CCNDBP1: variants seen among roughly 807,000 people sequenced by gnomAD.
CCNDBP1 encodes cyclin-D1-binding protein 1.
CCNDBP1 carries 45 observed loss-of-function variants against 46.2 expected under a neutral mutation model. The observed-to-expected ratio is 0.97, with a 90% CI of 0.77 to 1.25. The LOEUF (loss-of-function observed/expected upper bound fraction) is 1.25. CCNDBP1 is among the 50% of genes most tolerant of loss of function. The probability of loss-of-function intolerance (pLI) is 0.00; values close to 1 mark genes in which losing one functional copy is unlikely to be tolerated. For missense variants in CCNDBP1, 436 were observed against 442.1 expected, an observed-to-expected ratio of 0.99 and a Z score of 0.12; for synonymous variants, 154 against 163.6, an observed-to-expected ratio of 0.94 and a Z score of 0.45.
chr15:43,191,669 G>C lies in CCNDBP1; in HGVS notation c.854G>C (p.Ser285Thr). ...DDIVDISDEI[S>T]PSVDDLALSI... ...ATTGTGGATATTTCTGATGAAATCA[G>C]CCCTAGGTAAGCGGGATCCCCACTT... The change falls in exon 8 of 11, where the codon AGC (serine) becomes ACC (threonine). Residue 285 changes from serine to threonine, a missense_variant. Transcript: ENST00000300213. 6.2e-7 allele frequency: 1 copy of C among 1,602,830 alleles called. No individual in the cohort carries two copies. The highest frequency in any genetic ancestry group is 8.5e-7 in the Non-Finnish European group (1 of 1,179,110).
Position 43,195,037 on chromosome 15 carries a change from C to T in CCNDBP1, c.*196C>T. On this transcript the variant is annotated 3_prime_UTR_variant, in exon 11 of 11. Coordinates refer to ENST00000300213, the MANE Select transcript of CCNDBP1 (RefSeq NM_012142.5). The stretch of plus-strand genomic sequence containing the variant: ...TTATAAACCATATGCGTATATTTTT[C>T]TGTGCTATATATGAAAAATAATTGC... The T allele has an allele frequency of 4.4e-6, 2 of 455,950 alleles. No homozygotes were observed. The highest frequency in any genetic ancestry group is 3.3e-4 in the Middle Eastern group (1 of 3,016). The allele number at this position is 455,950 out of a possible 1,614,324, so 28.2% of individuals were successfully genotyped here.
intron 3 of CCNDBP1, chr15:43,188,338 G>A (rs1450857954): frequency 6.6e-6 from 1 of 152,054 alleles, no homozygotes; most frequent in African/African-American, 2.4e-5. Context: ...AAAAAAGAGA[G>A]AGACCTGGTT....
chr15:43,185,956 C>A (rs1395023701), intron 2 of CCNDBP1, 77 bp downstream of exon 2: 2 of 1,398,608 alleles, frequency 1.4e-6, no homozygotes, highest in Non-Finnish European at 2.0e-6. Flanking sequence ...CGCTGTCCCC[C>A]ACGGAGGGGA....
rs763476042 is a variant in CCNDBP1 at position 43,189,077 on chromosome 15, C to CAAAAAA, written c.250-100_250-95dup. On this transcript the variant is annotated intron_variant, in intron 3 of 10. Coordinates refer to ENST00000300213, the MANE Select transcript of CCNDBP1 (RefSeq NM_012142.5). ...TGGGTGACAGAGTGAGACTCTGTCTCAAAAAAAAAAAAAAAAAAAAAAAAA... is the reference window on the plus strand; with the variant it reads ...TGGGTGACAGAGTGAGACTCTGTCTCAAAAAAAAAAAAAAAAAAAAAAAAAAAAAAA... 5.9e-4 allele frequency: 90 copies of CAAAAAA among 151,986 alleles called. 1 individual carries two copies. The highest frequency in any genetic ancestry group is 2.4e-3 in the African/African-American group (15 of 6,364). The allele number at this position is 151,986 out of a possible 1,614,324, so 9.4% of individuals were successfully genotyped here. A position where few individuals can be genotyped will look rare whatever the true frequency, so the allele number is the denominator to read the frequency against.
At chr15:43,185,724 G>A (rs1178683233) in intron 1 of CCNDBP1, 96 bp from the exon 2 acceptor site, 1 of 1,448,780 alleles carries the variant, frequency 6.9e-7, no homozygotes, top group Non-Finnish European at 9.2e-7. Flanking sequence ...GGGCTGGGGC[G>A]GCGGCGGGGA....
chr15:43,195,822 T>G lies in CCNDBP1; in HGVS notation c.*981T>G, dbSNP rs891761238. The G allele has an allele frequency of 6.6e-6, 1 of 152,214 alleles. No individual in the cohort carries two copies. The highest frequency in any genetic ancestry group is 1.5e-5 in the Non-Finnish European group (1 of 68,034). The allele number at this position is 152,214 out of a possible 1,614,324, so 9.4% of individuals were successfully genotyped here. On this transcript the variant is annotated 3_prime_UTR_variant, in exon 11 of 11. Transcript: ENST00000300213. ...CATAACATATGCCTTTCTGCTGTCT[T>G]TAGGTATAATCAGCAACAGCAGTCA...
chr15:43,192,699 G>A, intron 8 of CCNDBP1, 44 bp from the exon 9 acceptor site: 1 of 1,572,362 alleles, frequency 6.4e-7, no homozygotes, highest in African/African-American at 1.3e-5. Context: ...AAACAACCTG[G>A]CTGCGTTTTT....
intron 3 of CCNDBP1, among the ~76,000 whole-genome samples, chr15:43,186,593 G>A (rs1307715192): frequency 6.6e-6 from 1 of 152,172 alleles, no homozygotes; most frequent in Non-Finnish European, 1.5e-5. Flanking sequence ...AAGCAGGGGG[G>A]CTAGAATTTA....
At chr15:43,191,342 C>CT in intron 7 of CCNDBP1, 53 bp from the exon 8 acceptor site, 3 of 1,109,182 alleles carry the variant, frequency 2.7e-6, no homozygotes, top group African/African-American at 2.0e-5. Context: ...ATAGGCCTCG[C>CT]CTTTTTTTTT....
chr15:43,191,345 T>A, intron 7 of CCNDBP1, 50 bp from the exon 8 acceptor site: 1 of 31,572 alleles, frequency 3.2e-5, no homozygotes, highest in South Asian at 6.2e-4. Context: ...GGCCTCGCCT[T>A]TTTTTTTTTT....
chr15:43,185,407 A>C lies in CCNDBP1; in HGVS notation c.-92A>C. ...GCTTGTTGACGGAAACGAGCCCTTG[A>C]CGCTGTGGCCCGGAAGTGGAGCGGC... On this transcript the variant is annotated 5_prime_UTR_variant, in exon 1 of 11. Coordinates refer to ENST00000300213, the MANE Select transcript of CCNDBP1 (RefSeq NM_012142.5). 1 of 1,028,348 alleles carries C rather than the reference A, an allele frequency of 9.7e-7. No individual in the cohort carries two copies. Among genetic ancestry groups the C allele is most frequent in the Non-Finnish European group, 1.5e-6 (1 of 684,412 alleles). The allele number at this position is 1,028,348 out of a possible 1,614,324, so 63.7% of individuals were successfully genotyped here.
chr15:43,185,918 CCTCCAGCGTCCCGACCCCTT>C (rs770945554), intron 2 of CCNDBP1, 39 bp downstream of exon 2: 7 of 1,572,726 alleles, frequency 4.5e-6, no homozygotes, highest in Admixed American at 1.7e-5. Flanking sequence ...TGCCTCAGTT[CCTCCAGCGTCCCGACCCCTT>C]TTCCTCCCGC....
chr15:43,185,961 A>G, intron 2 of CCNDBP1, 82 bp downstream of exon 2: 1 of 1,352,986 alleles, frequency 7.4e-7, no homozygotes, highest in Non-Finnish European at 1.0e-6. Context: ...TCCCCCACGG[A>G]GGGGACTGCT....
Position 43,191,541 on chromosome 15 carries a change from C to T in CCNDBP1, c.726C>T (p.Ile242=). ...YWSEDDQELI[I]PCLALVRASK... ...CAGAGGACGATCAAGAGCTCATAATCCCATGCCTTGCGCTGGTGAGAGCAT... is the reference window on the plus strand; with the variant it reads ...CAGAGGACGATCAAGAGCTCATAATTCCATGCCTTGCGCTGGTGAGAGCAT... Residue 242 remains isoleucine, a synonymous_variant, in exon 8 of 11, where the codon ATC becomes ATT. Transcript: ENST00000300213. 6.2e-7 allele frequency: 1 copy of T among 1,614,060 alleles called. No individual in the cohort carries two copies. Among genetic ancestry groups the T allele is most frequent in the African/African-American group, 1.3e-5 (1 of 75,004 alleles).
chr15:43,192,695 C>T, intron 8 of CCNDBP1, 48 bp from the exon 9 acceptor site: 1 of 1,563,470 alleles, frequency 6.4e-7, no homozygotes. Context: ...CTAGAAACAA[C>T]CTGGCTGCGT....
At position 43,191,101 on chromosome 15, in the gene CCNDBP1, T is replaced by C; in HGVS notation, c.579+59T>C. 11 of 1,337,736 alleles carry C rather than the reference T, an allele frequency of 8.2e-6. No individual in the cohort carries two copies. In the South Asian group the frequency reaches 1.3e-4, roughly 16 times the overall value. The allele number at this position is 1,337,736 out of a possible 1,614,324, so 82.9% of individuals were successfully genotyped here. Reference sequence around the variant, plus strand: ...TTGACTAGTAGATGAGAATTAATTATAAAGAGAGATTTCCTGAGCATTGAC... The same window carrying C: ...TTGACTAGTAGATGAGAATTAATTACAAAGAGAGATTTCCTGAGCATTGAC... On this transcript the variant is annotated intron_variant, in intron 7 of 10. Coordinates refer to ENST00000300213, the MANE Select transcript of CCNDBP1 (RefSeq NM_012142.5).
chr15:43,189,167 C>G lies in CCNDBP1; in HGVS notation c.250-32C>G, dbSNP rs186197991. 2.8e-4 allele frequency: 346 copies of G among 1,254,234 alleles called. 1 individual carries two copies. In the East Asian group the frequency reaches 7.8e-3, roughly 28 times the overall value. The allele number at this position is 1,254,234 out of a possible 1,614,324, so 77.7% of individuals were successfully genotyped here. A position where few individuals can be genotyped will look rare whatever the true frequency, so the allele number is the denominator to read the frequency against. On this transcript the variant is annotated intron_variant, in intron 3 of 10. Transcript: ENST00000300213. ...TCTATTCCACAGCAGAAGGGTTGAC[C>G]ACTTTGATCTAATCTGTTTCCTTTT...
Position 43,192,817 on chromosome 15 carries a change from T to C in CCNDBP1, c.921+14T>C. ...GTGCGAATCAATGTAAGTACTGGCT[T>C]TGAGGGAATAGCTACAGAACAAATG... On this transcript the variant is annotated intron_variant, in intron 9 of 10. Coordinates refer to ENST00000300213, the MANE Select transcript of CCNDBP1 (RefSeq NM_012142.5). 6.2e-7 allele frequency: 1 copy of C among 1,612,150 alleles called. No homozygotes were observed. Among genetic ancestry groups the C allele is most frequent in the Non-Finnish European group, 8.5e-7 (1 of 1,178,170 alleles).
chr15:43,194,670 G>A, intron 10 of CCNDBP1, 57 bp from the exon 11 acceptor site: 3 of 1,364,186 alleles, frequency 2.2e-6, no homozygotes, highest in Non-Finnish European at 3.1e-6. Context: ...CCTGAGGATA[G>A]GTTTTCCCTT....
Sources: allele counts gnomAD v4.1 joint callset (sites outside exome capture counted in the v4.1 genomes callset), GRCh38; gene constraint gnomAD v4.1.1; transcripts MANE v1.5; gene names NCBI Gene and HGNC (gene_info 2026-07-23, HGNC 2026-07-21).